Variants in AGAP9 observed in about 807,000 individuals in gnomAD.
The protein encoded by AGAP9 is ArfGAP with GTPase domain, ankyrin repeat and PH domain 9, also known as arf-GAP with GTPase, ANK repeat and PH domain-containing protein 9.
In AGAP9, 23 loss-of-function variants were observed where a neutral mutation model predicts 55.6. That is an observed-to-expected ratio of 0.41 (90% confidence interval 0.30 to 0.59). The LOEUF is 0.59. Ranked by LOEUF, AGAP9 falls within the 20% of genes least tolerant of loss-of-function variation. AGAP9 has a pLI of 0.25. For synonymous variants in AGAP9, 120 were observed against 305.0 expected (o/e 0.39, Z 6.32); for missense variants, 309 against 808.1 (o/e 0.38, Z 7.49).
intron 4 of AGAP9, among the ~76,000 whole-genome samples, chr10:47,515,750 G>T (rs1210136437): frequency 7.2e-6 from 1 of 139,662 alleles, no homozygotes; most frequent in African/African-American, 2.6e-5. Context: ...AGAAAATTGG[G>T]AGATCCTTCT....
rs1840364130 is a variant in AGAP9 at position 47,502,198 on chromosome 10, G to C, written c.1931C>G (p.Thr644Arg). 6.5e-7 allele frequency: 1 copy of C among 1,540,094 alleles called. No individual in the cohort carries two copies. Among genetic ancestry groups the C allele is most frequent in the Non-Finnish European group, 8.8e-7 (1 of 1,141,530 alleles). Residue 644 changes from threonine to arginine, a missense_variant, in exon 8 of 8, where the codon ACG (threonine) becomes AGG (arginine). By Grantham distance (71) the Thr-to-Arg change is moderately conservative. Coordinates refer to ENST00000452145, the MANE Select transcript of AGAP9 (RefSeq NM_001190810.1). ...CATCTCGGGCCATGACGTCCACCCC[G>C]TCAGGAGCTGCTCCAGGACCACATT... The part of the protein sequence containing the change: ...KGNVVLEQLL[T>R]GWTSWPEMPT...
At position 47,502,364 on chromosome 10, in the gene AGAP9, G is replaced by A; in HGVS notation, c.1765C>T (p.Gln589Ter). The change falls in exon 8 of 8, where the codon CAG (glutamine) becomes TAG (stop). Residue 589 changes from glutamine to a stop codon, truncating the protein, a stop_gained. Coordinates refer to ENST00000452145, the MANE Select transcript of AGAP9 (RefSeq NM_001190810.1). LOFTEE classifies it high-confidence loss of function. ...PLPCTELSLG[Q>*]QLLRATTDED... ...TCAGTGGTGGCCCGCAGCAGCTGCT[G>A]GCCCAGGGACAGCTCAGTGCAGGGT... 6.2e-7 allele frequency: 1 copy of A among 1,608,656 alleles called. No homozygotes were observed. The highest frequency in any genetic ancestry group is 1.4e-5 in the African/African-American group (1 of 73,926).
chr10:47,513,182 G>C (rs1840662936), intron 4 of AGAP9, among the ~76,000 whole-genome samples: 1 of 149,600 alleles, frequency 6.7e-6, no homozygotes, highest in African/African-American at 2.4e-5. Flanking sequence ...TAACAGGTGA[G>C]CGCCACCACG....
chr10:47,515,806 C>T lies in AGAP9; in HGVS notation c.396+2017G>A, dbSNP rs1840705942. Among the ~76,000 whole-genome samples, 2 of 128,456 alleles carry T rather than the reference C, an allele frequency of 1.6e-5. 1 individual carries two copies. The highest frequency in any genetic ancestry group is 3.3e-5 in the Non-Finnish European group (2 of 61,084). 84.3% of individuals were successfully genotyped at this position (128,456 alleles called of 152,430 possible). The stretch of plus-strand genomic sequence containing the variant: ...TCAGTAAAGATCCCCAGATAATACA[C>T]TGAGGTCTCCCAAATGAAAAGCTAG... On this transcript the variant is annotated intron_variant, in intron 4 of 7. Transcript: ENST00000452145.
rs1436139316 is a variant in AGAP9 at position 47,511,262 on chromosome 10, A to C, written c.397-991T>G. Among the ~76,000 whole-genome samples the C allele has an allele frequency of 1.4e-5, 2 of 142,374 alleles. 1 individual carries two copies. The highest frequency in any genetic ancestry group is 5.2e-5 in the African/African-American group (2 of 38,634). The allele number at this position is 142,374 out of a possible 152,430, so 93.4% of individuals were successfully genotyped here. A position where few individuals can be genotyped will look rare whatever the true frequency, so the allele number is the denominator to read the frequency against. On this transcript the variant is annotated intron_variant, in intron 4 of 7. Transcript: ENST00000452145. ...CCAGTCCTTCTATTATTTATTTACT[A>C]CGATAAAATGTAGTGTATTAAATAA...
At chr10:47,514,467 G>T (rs1290015142) in intron 4 of AGAP9, among the ~76,000 whole-genome samples, 1 of 114,366 alleles carries the variant, frequency 8.7e-6, no homozygotes, top group Non-Finnish European at 1.7e-5. Flanking sequence ...TTGGGGGAAA[G>T]GCTGGGAGGA....
intron 2 of AGAP9, among the ~76,000 whole-genome samples, chr10:47,520,906 T>G (rs1340507621): frequency 7.7e-6 from 1 of 129,298 alleles, no homozygotes; most frequent in Non-Finnish European, 1.6e-5. Flanking sequence ...AAATCAACTT[T>G]GCATAAAATA....
intron 6 of AGAP9, among the ~76,000 whole-genome samples, chr10:47,505,576 T>C (rs1840459226): frequency 8.1e-6 from 1 of 123,280 alleles, no homozygotes; most frequent in African/African-American, 3.0e-5. Context: ...TATTTAAAAG[T>C]ACAACTGGGC....
intron 5 of AGAP9, among the ~76,000 whole-genome samples, chr10:47,509,960 C>G (rs1840569169): frequency 7.0e-6 from 1 of 142,514 alleles, no homozygotes; most frequent in South Asian, 2.2e-4. Flanking sequence ...AAAAGACACA[C>G]TGTTTCTGGG....
In AGAP9 at chr10:47,523,367, C is replaced by A; in HGVS notation, c.160G>T (p.Val54Leu). 1 of 1,574,384 alleles carries A rather than the reference C, an allele frequency of 6.4e-7. No individual in the cohort carries two copies. The highest frequency in any genetic ancestry group is 8.6e-7 in the Non-Finnish European group (1 of 1,164,092). ...AGGTCCTCACCAACTTCAACAGTCA[C>A]CTCAGCAGGCTGTACAGCAGCAGCC... ...PMAAAVQPAEVTVEVGEDLHM... is the reference protein window; with the variant it reads ...PMAAAVQPAELTVEVGEDLHM... The change falls in exon 1 of 8, where the codon GTG (valine) becomes TTG (leucine). Residue 54 changes from valine to leucine, a missense_variant. Coordinates refer to ENST00000452145, the MANE Select transcript of AGAP9 (RefSeq NM_001190810.1).
At chr10:47,512,780 AT>A (rs1309626068) in intron 4 of AGAP9, among the ~76,000 whole-genome samples, 2 of 46,828 alleles carry the variant, frequency 4.3e-5, no homozygotes, top group African/African-American at 2.2e-4. Context: ...CCCTTTCAGT[AT>A]TATGTTGGTT....
rs1417000560 is a variant in AGAP9, at chr10:47,502,181, G to A, written c.1948C>T (p.Pro650Ser). The A allele has an allele frequency of 1.9e-6, 3 of 1,547,186 alleles. No homozygotes were observed. The highest frequency in any genetic ancestry group is 2.6e-6 in the Non-Finnish European group (3 of 1,144,148). ...CGCTGTGTTCCCGTGGGCATCTCGG[G>A]CCATGACGTCCACCCCGTCAGGAGC... The part of the protein sequence containing the change: ...EQLLTGWTSW[P>S]EMPTGTQR The change falls in exon 8 of 8, where the codon CCC becomes TCC. Residue 650 changes from proline (P) to serine (S), a missense_variant. Transcript: ENST00000452145.
At chr10:47,505,100 AC>A (rs1417159121) in intron 6 of AGAP9, among the ~76,000 whole-genome samples, 2 of 86,648 alleles carry the variant, frequency 2.3e-5, no homozygotes, top group Non-Finnish European at 4.6e-5. Flanking sequence ...CAGGCGATCC[AC>A]TTGCCTCGGC....
At chr10:47,506,339 C>T (rs1418364680) in intron 6 of AGAP9, among the ~76,000 whole-genome samples, 4 of 138,162 alleles carry the variant, frequency 2.9e-5, no homozygotes, top group Admixed American at 7.4e-5. Context: ...GCTTCTTTTT[C>T]TCTTTTTTTG....
intron 4 of AGAP9, among the ~76,000 whole-genome samples, chr10:47,517,479 T>C (rs1840740412): frequency 6.8e-6 from 1 of 147,708 alleles, no homozygotes; most frequent in African/African-American, 2.6e-5. Flanking sequence ...ACCATGTTGG[T>C]CAGGGTTGTC....
rs1840512211 is a variant in AGAP9 at position 47,507,676 on chromosome 10, G to A, written c.498-93C>T. The A allele has an allele frequency of 9.1e-6, 13 of 1,430,264 alleles. 3 individuals carry two copies. The Admixed American group carries it at 2.3e-4, about 25-fold the overall frequency. The allele number at this position is 1,430,264 out of a possible 1,614,324, so 88.6% of individuals were successfully genotyped here. On this transcript the variant is annotated intron_variant, in intron 5 of 7. Transcript: ENST00000452145. Reference sequence around the variant, plus strand: ...AAGGGGGGCAGAGGAAACTCTCCTAGCGGCCCTGAAATTCAAATCTTCTAG... The same window carrying A: ...AAGGGGGGCAGAGGAAACTCTCCTAACGGCCCTGAAATTCAAATCTTCTAG...
chr10:47,506,561 C>T (rs1194764044), intron 6 of AGAP9, among the ~76,000 whole-genome samples: 1 of 142,280 alleles, frequency 7.0e-6, no homozygotes, highest in Non-Finnish European at 1.5e-5. Context: ...AACTCCTGAC[C>T]TCAAGTGATC....
Position 47,503,142 on chromosome 10 carries a change from T to C in AGAP9, c.987A>G (p.Lys329=). 1 of 1,610,460 alleles carries C rather than the reference T, an allele frequency of 6.2e-7. No individual in the cohort carries two copies. Among genetic ancestry groups the C allele is most frequent in the Non-Finnish European group, 8.5e-7 (1 of 1,179,382 alleles). The change falls in exon 8 of 8, where the codon AAA becomes AAG. Residue 329 remains lysine, a synonymous_variant. Coordinates refer to ENST00000452145, the MANE Select transcript of AGAP9 (RefSeq NM_001190810.1). The stretch of plus-strand genomic sequence containing the variant: ...TGGTAGATGTCCGAAGGTCAATCTC[T>C]TTTTTATGAATATTCTTCATATAAT... ...LGDYMKNIHK[K]EIDLRTSTIK...
rs1176453901 is a variant in AGAP9 at position 47,507,847 on chromosome 10, A to G, written c.498-264T>C. 4.8e-5 allele frequency among the ~76,000 whole-genome samples: 5 copies of G among 104,776 alleles called. 1 individual carries two copies. Among genetic ancestry groups the G allele is most frequent in the African/African-American group, 1.8e-4 (5 of 27,426 alleles). 68.7% of individuals were successfully genotyped at this position (104,776 alleles called of 152,430 possible). A position where few individuals can be genotyped will look rare whatever the true frequency, so the allele number is the denominator to read the frequency against. On this transcript the variant is annotated intron_variant, in intron 5 of 7. Coordinates refer to ENST00000452145, the MANE Select transcript of AGAP9 (RefSeq NM_001190810.1). ...ATAAATAATAACAGATTTCCCTTTT[A>G]TATGCTTTTCTACCGATGAAACCTT...
Sources: allele counts gnomAD v4.1 joint callset (sites outside exome capture counted in the v4.1 genomes callset), GRCh38; gene constraint gnomAD v4.1.1; transcripts MANE v1.5; gene names NCBI Gene and HGNC (gene_info 2026-07-23, HGNC 2026-07-21).